CFAP44: variants seen among roughly 807,000 people sequenced by gnomAD.
CFAP44 encodes cilia- and flagella-associated protein 44.
CFAP44 carries 134 observed loss-of-function variants against 216.2 expected under a neutral mutation model. That is an observed-to-expected ratio of 0.62 (90% confidence interval 0.54 to 0.72). CFAP44 has a LOEUF of 0.72. Ranked by LOEUF, CFAP44 falls within the 30% of genes least tolerant of loss-of-function variation. CFAP44 has a pLI of 0.00. For synonymous variants in CFAP44, 700 were observed against 727.6 expected (o/e 0.96, Z 0.61); for missense variants, 2,035 against 2,182.1 (o/e 0.93, Z 1.34).
At chr3:113,413,564 G>C (rs1443945125) in intron 6 of CFAP44, among the ~76,000 whole-genome samples, 4 of 152,138 alleles carry the variant, frequency 2.6e-5, no homozygotes, top group Non-Finnish European at 5.9e-5. Context: ...TAAGGAAGAG[G>C]TCCAGTCTCA....
intron 1 of CFAP44, among the ~76,000 whole-genome samples, chr3:113,435,857 ACG>A (rs1491176702): frequency 8.2e-6 from 1 of 122,552 alleles, no homozygotes; most frequent in Non-Finnish European, 1.7e-5. Flanking sequence ...AAGTGTATGT[ACG>A]TGTGTGTGTG....
intron 17 of CFAP44, among the ~76,000 whole-genome samples, chr3:113,374,816 A>G (rs1933288006): frequency 6.6e-6 from 1 of 152,042 alleles, no homozygotes; most frequent in Admixed American, 6.6e-5. Context: ...TTCTATTTTT[A>G]GTAGAGATGC....
chr3:113,424,216 T>C (rs1211507544), intron 4 of CFAP44, among the ~76,000 whole-genome samples: 1 of 152,072 alleles, frequency 6.6e-6, no homozygotes, highest in African/African-American at 2.4e-5. Flanking sequence ...GGCGGGCAGA[T>C]CACGAGGTCA....
At chr3:113,416,434 G>T in intron 6 of CFAP44, 91 bp downstream of exon 6, 1 of 1,004,756 alleles carries the variant, frequency 1.0e-6, no homozygotes, top group Non-Finnish European at 1.5e-6. Context: ...CTGTTTCTCT[G>T]GAGAACCTTG....
chr3:113,400,788 G>T, intron 11 of CFAP44, 144 bp from the exon 12 acceptor site: 1 of 748,988 alleles, frequency 1.3e-6, no homozygotes, highest in Non-Finnish European at 2.2e-6. Context: ...AAGTTAGAAA[G>T]AACACTGGTT....
intron 6 of CFAP44, 38 bp from the exon 7 acceptor site, chr3:113,409,360 A>G (rs1934387887): frequency 2.6e-6 from 4 of 1,561,458 alleles, no homozygotes; most frequent in Admixed American, 3.4e-5. Flanking sequence ...ATAAGGACAC[A>G]TTTATTTCAT....
intron 1 of CFAP44, among the ~76,000 whole-genome samples, chr3:113,440,266 G>A (rs746571898): frequency 6.6e-6 from 1 of 152,068 alleles, no homozygotes; most frequent in Non-Finnish European, 1.5e-5. Context: ...TCCCCATGTT[G>A]GCCAGACTTG....
At chr3:113,304,280 A>G in intron 31 of CFAP44, 163 bp from the exon 32 acceptor site, 1 of 668,374 alleles carries the variant, frequency 1.5e-6, no homozygotes, top group Non-Finnish European at 2.5e-6. Flanking sequence ...GCAAACACAG[A>G]AAGATGCTGT....
chr3:113,296,929 A>G (rs2107787329), intron 32 of CFAP44, 44 bp from the exon 33 acceptor site: 3 of 1,531,930 alleles, frequency 2.0e-6, no homozygotes, highest in Non-Finnish European at 2.6e-6. Flanking sequence ...AATGGCTCCC[A>G]TTGTTATAAA....
At chr3:113,392,114 C>T (rs1425705910) in intron 15 of CFAP44, among the ~76,000 whole-genome samples, 1 of 152,112 alleles carries the variant, frequency 6.6e-6, no homozygotes, top group Non-Finnish European at 1.5e-5. Context: ...TTTATTGCAT[C>T]ACTATTCACA....
intron 32 of CFAP44, among the ~76,000 whole-genome samples, chr3:113,297,367 A>G (rs1949891690): frequency 2.0e-5 from 3 of 151,880 alleles, no homozygotes; most frequent in Admixed American, 2.0e-4. Flanking sequence ...TCTCCTCCTT[A>G]CCACCCTACT....
chr3:113,361,350 T>C (rs1950539084), intron 21 of CFAP44: 2 of 212,722 alleles, frequency 9.4e-6, no homozygotes, highest in African/African-American at 4.6e-5. Context: ...CGTACTATAG[T>C]ATAATTTTGC....
At chr3:113,406,752 T>C (rs1193014278) in intron 8 of CFAP44, among the ~76,000 whole-genome samples, 175 bp downstream of exon 8, 1 of 152,194 alleles carries the variant, frequency 6.6e-6, no homozygotes. Context: ...ATTATGACAA[T>C]TTCAGGGAAA....
At chr3:113,344,187 T>C (rs762912305) in intron 23 of CFAP44, among the ~76,000 whole-genome samples, 11 of 151,934 alleles carry the variant, frequency 7.2e-5, no homozygotes, top group African/African-American at 1.9e-4. Context: ...GATTTAAGAA[T>C]AGCTAGATGT....
In CFAP44 at chr3:113,395,278, T is replaced by C. The variant is rs137979754; in HGVS notation, c.1890+472A>G. 1.9e-3 allele frequency among the ~76,000 whole-genome samples: 290 copies of C among 152,192 alleles called. 2 individuals carry two copies. Among genetic ancestry groups the C allele is most frequent in the African/African-American group, 5.7e-3 (238 of 41,522 alleles). On this transcript the variant is annotated intron_variant, in intron 15 of 34. Coordinates refer to ENST00000393845, the MANE Select transcript of CFAP44 (RefSeq NM_001164496.2). The stretch of plus-strand genomic sequence containing the variant: ...TAGTAATCAATACCGAATTACCAAT[T>C]GCTAAGAAAGAAGAAATAAAAGGAT...
intron 4 of CFAP44, among the ~76,000 whole-genome samples, chr3:113,420,994 G>C (rs915417861): frequency 2.6e-5 from 4 of 151,964 alleles, no homozygotes; most frequent in African/African-American, 9.7e-5. Flanking sequence ...TCAAAATAGA[G>C]TGGGACCTAA....
chr3:113,328,730 A>G lies in CFAP44; in HGVS notation c.4117-911T>C, dbSNP rs551646524. Among the ~76,000 whole-genome samples the G allele has an allele frequency of 1.8e-3, 254 of 139,414 alleles. 2 individuals carry two copies. Among genetic ancestry groups the G allele is most frequent in the Non-Finnish European group, 2.9e-3 (187 of 63,414 alleles). The allele number at this position is 139,414 out of a possible 152,430, so 91.5% of individuals were successfully genotyped here. A position where few individuals can be genotyped will look rare whatever the true frequency, so the allele number is the denominator to read the frequency against. Reference sequence around the variant, plus strand: ...AAAAAAAAAAAAAAAAAAAAAAAACAGAGAGAGAAGAAAAAATTAAACTTT... The same window carrying G: ...AAAAAAAAAAAAAAAAAAAAAAAACGGAGAGAGAAGAAAAAATTAAACTTT... On this transcript the variant is annotated intron_variant, in intron 26 of 34. Transcript: ENST00000393845.
chr3:113,351,541 T>A (rs554646859), intron 22 of CFAP44, among the ~76,000 whole-genome samples: 1 of 152,294 alleles, frequency 6.6e-6, no homozygotes, highest in East Asian at 1.9e-4. Flanking sequence ...GCAGTGACTC[T>A]CCAAAACCGC....
intron 6 of CFAP44, among the ~76,000 whole-genome samples, chr3:113,413,047 CTT>C (rs1934534965): frequency 6.6e-6 from 1 of 152,104 alleles, no homozygotes; most frequent in African/African-American, 2.4e-5. Context: ...TGTTTCCTGA[CTT>C]TTTAATAATT....
Sources: allele counts gnomAD v4.1 joint callset (sites outside exome capture counted in the v4.1 genomes callset), GRCh38; gene constraint gnomAD v4.1.1; transcripts MANE v1.5; gene names NCBI Gene and HGNC (gene_info 2026-07-23, HGNC 2026-07-21).